The following PCGF5 variants were observed in gnomAD, a reference collection of about 807,000 sequenced individuals.
PCGF5 encodes polycomb group RING finger protein 5.
In PCGF5, 9 loss-of-function variants were observed where a neutral mutation model predicts 44.3. The ratio of observed to expected loss-of-function variants is 0.20; its 90% CI spans 0.12 to 0.35. The LOEUF is 0.35. PCGF5 is among the 10% of genes least tolerant of loss of function. The pLI is 1.00. For missense variants in PCGF5, 146 were observed against 305.3 expected (o/e 0.48, Z 3.89); for synonymous variants, 95 against 102.5 (o/e 0.93, Z 0.44).
intron 1 of PCGF5, among the ~76,000 whole-genome samples, chr10:91,189,969 A>G (rs1844002030): frequency 6.6e-6 from 1 of 152,260 alleles, no homozygotes; most frequent in African/African-American, 2.4e-5. Flanking sequence ...GACAGAAATT[A>G]AAGTGTATCT....
rs12267809 is a variant in PCGF5 at position 91,178,615 on chromosome 10, C to G, written c.-184+15534C>G. 2.9e-3 allele frequency among the ~76,000 whole-genome samples: 438 copies of G among 152,144 alleles called. 1 individual carries two copies. Among genetic ancestry groups the G allele is most frequent in the African/African-American group, 0.01 (427 of 41,482 alleles). ...ATGTTGTCCAGGCTGGTCTCAAACC[C>G]CTGGGCCAGCCAGTCCTCCCACCTC... On this transcript the variant is annotated intron_variant, in intron 1 of 9. Transcript: ENST00000614189.
intron 9 of PCGF5, among the ~76,000 whole-genome samples, chr10:91,274,623 A>T (rs1204912807): frequency 6.6e-6 from 1 of 152,232 alleles, no homozygotes; most frequent in Non-Finnish European, 1.5e-5. Context: ...ACAGGTTAAA[A>T]TTTATAGTGT....
At chr10:91,260,266 T>C (rs1845865007) in intron 6 of PCGF5, among the ~76,000 whole-genome samples, 1 of 152,114 alleles carries the variant, frequency 6.6e-6, no homozygotes, top group Non-Finnish European at 1.5e-5. Flanking sequence ...TGAGATACCA[T>C]CTCACACCAG....
chr10:91,165,249 G>C (rs1843479342), intron 1 of PCGF5, among the ~76,000 whole-genome samples: 1 of 152,200 alleles, frequency 6.6e-6, no homozygotes, highest in Non-Finnish European at 1.5e-5. Flanking sequence ...AAAAGATAAA[G>C]CATGTGGAGC....
intron 1 of PCGF5, among the ~76,000 whole-genome samples, chr10:91,178,620 G>A (rs1394257135): frequency 6.6e-6 from 1 of 151,952 alleles, no homozygotes; most frequent in African/African-American, 2.4e-5. Flanking sequence ...AAACCCCTGG[G>A]CCAGCCAGTC....
chr10:91,256,690 A>C (rs1845760284), intron 6 of PCGF5, among the ~76,000 whole-genome samples: 2 of 152,108 alleles, frequency 1.3e-5, no homozygotes, highest in Non-Finnish European at 2.9e-5. Flanking sequence ...GAAAGCAACA[A>C]TATAAAAGTG....
rs1267005182 is a variant in PCGF5, at chr10:91,242,875, A to G, written c.209+2295A>G. On this transcript the variant is annotated intron_variant, in intron 3 of 9. Transcript: ENST00000336126. ...ACCACAGTATGATTGCATTGGTATA[A>G]TACTTTAACCTAACTTCCATATTCC... 2.6e-5 allele frequency among the ~76,000 whole-genome samples: 4 copies of G among 152,178 alleles called. No individual in the cohort carries two copies. In the East Asian group the frequency reaches 7.7e-4, roughly 29 times the overall value.
At chr10:91,274,129 G>A (rs533653414) in intron 9 of PCGF5, among the ~76,000 whole-genome samples, 5 of 149,542 alleles carry the variant, frequency 3.3e-5, no homozygotes, top group East Asian at 1.9e-4. Flanking sequence ...ATATATATAT[G>A]TAATAGTACA....
At chr10:91,185,402 C>T (rs1334045570) in intron 1 of PCGF5, among the ~76,000 whole-genome samples, 1 of 152,232 alleles carries the variant, frequency 6.6e-6, no homozygotes, top group Non-Finnish European at 1.5e-5. Context: ...CACCCCTTCC[C>T]CCAGGAACTG....
At chr10:91,227,751 A>G (rs1270983726) in intron 2 of PCGF5, 1 of 1,000,782 alleles carries the variant, frequency 1.0e-6, no homozygotes, top group Non-Finnish European at 1.2e-6. Context: ...GTTTCTGCCT[A>G]CCACTTCCTC....
chr10:91,161,760 C>G (rs1437425466), upstream of PCGF5, among the ~76,000 whole-genome samples: 2 of 152,204 alleles, frequency 1.3e-5, no homozygotes, highest in Non-Finnish European at 2.9e-5. Context: ...GCGGACCTAT[C>G]AGGAGAGCCT....
At chr10:91,223,342 G>A (rs778472042) in intron 2 of PCGF5, among the ~76,000 whole-genome samples, 3 of 151,916 alleles carry the variant, frequency 2.0e-5, no homozygotes, top group Admixed American at 6.6e-5. Flanking sequence ...CTCTTAATTC[G>A]CTGGTTCTCA....
At chr10:91,245,556 C>T (rs917757897) in intron 3 of PCGF5, among the ~76,000 whole-genome samples, 3 of 151,728 alleles carry the variant, frequency 2.0e-5, no homozygotes, top group South Asian at 2.1e-4. Flanking sequence ...GAAATAATGG[C>T]GTATTTGAAG....
At chr10:91,273,783 A>G (rs577053271) in intron 9 of PCGF5, among the ~76,000 whole-genome samples, 4 of 151,330 alleles carry the variant, frequency 2.6e-5, no homozygotes, top group African/African-American at 9.7e-5. Flanking sequence ...ATGATAAATA[A>G]TACACTAATA....
At chr10:91,176,938 G>A (rs531435817) in intron 1 of PCGF5, among the ~76,000 whole-genome samples, 19 of 152,288 alleles carry the variant, frequency 1.2e-4, no homozygotes, top group African/African-American at 2.6e-4. Context: ...GCTTTGTTCC[G>A]TTGCTGATGA....
chr10:91,270,823 A>G (rs1846160901), intron 8 of PCGF5, among the ~76,000 whole-genome samples: 3 of 152,138 alleles, frequency 2.0e-5, no homozygotes, highest in Admixed American at 2.0e-4. Flanking sequence ...TCATATATGC[A>G]TAATTTTAAA....
intron 5 of PCGF5, among the ~76,000 whole-genome samples, chr10:91,249,418 TATG>T: frequency 1.2e-5 from 1 of 83,208 alleles, no homozygotes; most frequent in African/African-American, 4.1e-5. Flanking sequence ...TATATATATA[TATG>T]TATAAAATCT....
chr10:91,216,637 A>G (rs1004133183), upstream of PCGF5, among the ~76,000 whole-genome samples: 2 of 152,176 alleles, frequency 1.3e-5, no homozygotes, highest in South Asian at 4.1e-4. Context: ...TGAGTGATAG[A>G]GAGTAGAGAT....
At chr10:91,221,191 C>A (rs1481524212) in intron 1 of PCGF5, among the ~76,000 whole-genome samples, 3 of 152,168 alleles carry the variant, frequency 2.0e-5, no homozygotes, top group African/African-American at 7.2e-5. Context: ...AGAAAAGTTC[C>A]CCCTTGCCCC....
Sources: allele counts gnomAD v4.1 joint callset (sites outside exome capture counted in the v4.1 genomes callset), GRCh38; gene constraint gnomAD v4.1.1; transcripts MANE v1.5; gene names NCBI Gene and HGNC (gene_info 2026-07-23, HGNC 2026-07-21).